The following NEK8 variants were observed in gnomAD, a reference collection of about 807,000 sequenced individuals.
NEK8 encodes serine/threonine-protein kinase Nek8.
A neutral mutation model predicts 77.2 loss-of-function variants in NEK8; 51 were observed. The observed-to-expected ratio is 0.66, with a 90% CI of 0.53 to 0.83. NEK8 has a LOEUF of 0.83. NEK8 is among the 40% of genes least tolerant of loss of function. NEK8 has a pLI of 0.00. For missense variants in NEK8, 787 were observed against 909.2 expected (o/e 0.87, Z 1.73); for synonymous variants, 365 against 363.2 (o/e 1.00, Z -0.06).
rs1315120841 is a variant in NEK8 at position 28,738,394 on chromosome 17, C to T, written c.1222+149C>T. On this transcript the variant is annotated intron_variant, in intron 8 of 14. Coordinates refer to ENST00000268766, the MANE Select transcript of NEK8 (RefSeq NM_178170.3). ...GTCTAGTAACTATTGAGGAGATTTC[C>T]TTATACAACCTCCTTTACCCTACGG... 8 of 1,048,858 alleles carry T rather than the reference C, an allele frequency of 7.6e-6. No individual in the cohort carries two copies. In the African/African-American group the frequency reaches 1.1e-4, roughly 14 times the overall value. 65.0% of individuals were successfully genotyped at this position (1,048,858 alleles called of 1,614,324 possible).
In NEK8 at chr17:28,738,250, GT is replaced by G. The variant is rs769454263; in HGVS notation, c.1222+7del. The G allele has an allele frequency of 5.0e-6, 8 of 1,614,184 alleles. No homozygotes were observed. In the East Asian group the frequency reaches 1.6e-4, roughly 31 times the overall value. ...TCTTCACTGCCTGCCTGACTGGTGAGTTGTCGGGCCTACCTTGTGGGACCTG... is the reference window on the plus strand; with the variant it reads ...TCTTCACTGCCTGCCTGACTGGTGAGTGTCGGGCCTACCTTGTGGGACCTG... On this transcript the variant is annotated splice_donor_region_variant and intron_variant, in intron 8 of 14. Coordinates refer to ENST00000268766, the MANE Select transcript of NEK8 (RefSeq NM_178170.3).
chr17:28,738,812 T>G, intron 9 of NEK8, 65 bp downstream of exon 9: 1 of 1,320,486 alleles, frequency 7.6e-7, no homozygotes, highest in Non-Finnish European at 1.1e-6. Context: ...CATCTGTGAG[T>G]TGACACCAGA....
At position 28,738,203 on chromosome 17, in the gene NEK8, A is replaced by T. The variant is rs2034386452; in HGVS notation, c.1180A>T (p.Lys394Ter). The change falls in exon 8 of 15, where the codon AAG becomes TAG. Residue 394 changes from lysine to a stop codon, truncating the protein, a stop_gained. Transcript: ENST00000268766. LOFTEE classifies it high-confidence loss of function. ...FLEGQSGVTI[K>*]HVACGDFFTA... ...GGAGGGCCAGTCGGGTGTGACCATC[A>T]AGCACGTGGCCTGTGGGGACTTCTT... 1 of 1,614,084 alleles carries T rather than the reference A, an allele frequency of 6.2e-7. No homozygotes were observed. Among genetic ancestry groups the T allele is most frequent in the African/African-American group, 1.3e-5 (1 of 75,004 alleles).
At position 28,734,954 on chromosome 17, in the gene NEK8, G is replaced by A. The variant is rs747034129; in HGVS notation, c.436G>A (p.Gly146Ser). The change falls in exon 3 of 15, where the codon GGT becomes AGT. Residue 146 changes from glycine to serine, a missense_variant. This residue lies in a region of NEK8 where 271 missense variants were observed against 365.1 expected (regional missense o/e 0.74). Transcript: ENST00000268766. ...CAAACACCGCATGGTCGTCAAGATC[G>A]GTGATTTCGGCATCTCCAAGATCCT... is the stretch of plus-strand genomic sequence containing the variant. ...LDKHRMVVKI[G>S]DFGISKILSS... is the part of the protein sequence containing the mutation. 16 of 1,613,394 alleles carry A rather than the reference G, an allele frequency of 9.9e-6. No individual in the cohort carries two copies. The highest frequency in any genetic ancestry group is 2.2e-5 in the South Asian group (2 of 91,062).
At position 28,737,356 on chromosome 17, in the gene NEK8, C is replaced by A; in HGVS notation, c.669C>A (p.Ile223=). 6.2e-7 allele frequency: 1 copy of A among 1,613,936 alleles called. No homozygotes were observed. Among genetic ancestry groups the A allele is most frequent in the Non-Finnish European group, 8.5e-7 (1 of 1,180,008 alleles). ...LKIMSGTFAP[I]SDRYSPELRQ... ...TCATGAGTGGCACCTTTGCACCTATCTCTGACCGGTACAGCCCTGAGCTTC... is the reference window on the plus strand; with the variant it reads ...TCATGAGTGGCACCTTTGCACCTATATCTGACCGGTACAGCCCTGAGCTTC... The change falls in exon 5 of 15, where the codon ATC becomes ATA. Residue 223 remains isoleucine, a synonymous_variant. Transcript: ENST00000268766. The surrounding 1 kb of genome is among the most constrained non-coding windows in gnomAD (Gnocchi z 4.8).
intron 4 of NEK8, among the ~76,000 whole-genome samples, chr17:28,735,587 G>A (rs2034356530): frequency 6.6e-6 from 1 of 151,928 alleles, no homozygotes; most frequent in South Asian, 2.1e-4. Context: ...GCAGGGCTGT[G>A]GCTTTCCCAG....
At position 28,738,667 on chromosome 17, in the gene NEK8, CCAGA is replaced by C; in HGVS notation, c.1224_1227del (p.Asp408GlufsTer5). 11 of 1,613,670 alleles carry C rather than the reference CCAGA, an allele frequency of 6.8e-6. No individual in the cohort carries two copies. The highest frequency in any genetic ancestry group is 1.1e-5 in the South Asian group (1 of 91,060). On this transcript the variant is annotated splice_acceptor_variant and splice_polypyrimidine_tract_variant and coding_sequence_variant and intron_variant, in exon 9 of 15. Transcript: ENST00000268766. LOFTEE classifies it high-confidence loss of function. ...TTCTCCTTCCTCACTGCCCTTCTCC[CCAGA>C]CAGAGGCATCATCATGACATTCGGC...
chr17:28,742,491 G>A lies in NEK8; in HGVS notation c.*504G>A, dbSNP rs1049258516. 2 of 187,772 alleles carry A rather than the reference G, an allele frequency of 1.1e-5. No individual in the cohort carries two copies. The highest frequency in any genetic ancestry group is 2.3e-5 in the Non-Finnish European group (2 of 87,590). 11.6% of individuals were successfully genotyped at this position (187,772 alleles called of 1,614,324 possible). A position where few individuals can be genotyped will look rare whatever the true frequency, so the allele number is the denominator to read the frequency against. On this transcript the variant is annotated 3_prime_UTR_variant, in exon 15 of 15. Transcript: ENST00000268766. ...CGCCTGTAGTCCCAGCTGCTCAGGA[G>A]GCTGAGGCAGGAGAATGGCGTAAAC...
chr17:28,739,037 G>A, intron 9 of NEK8, 47 bp from the exon 10 acceptor site: 2 of 1,412,394 alleles, frequency 1.4e-6, no homozygotes, highest in Non-Finnish European at 2.0e-6. Context: ...AAGCCAGATG[G>A]CTCCAGACCC....
Position 28,737,666 on chromosome 17 carries a change from G to A in NEK8, c.828-9G>A, listed in dbSNP as rs1250238674. On this transcript the variant is annotated splice_polypyrimidine_tract_variant and intron_variant, in intron 5 of 14. Coordinates refer to ENST00000268766, the MANE Select transcript of NEK8 (RefSeq NM_178170.3). The surrounding 1 kb of genome is among the most constrained non-coding windows in gnomAD (Gnocchi z 4.8). ...GGTCTTTGTCCTTAGGCCCCCATCTGTCCTGCAGGGCAGAGAAGTCCGTGG... is the reference window on the plus strand; with the variant it reads ...GGTCTTTGTCCTTAGGCCCCCATCTATCCTGCAGGGCAGAGAAGTCCGTGG... 6.2e-7 allele frequency: 1 copy of A among 1,614,178 alleles called. No individual in the cohort carries two copies. Among genetic ancestry groups the A allele is most frequent in the Admixed American group, 1.7e-5 (1 of 60,026 alleles).
chr17:28,741,443 C>G lies in NEK8; in HGVS notation c.1922C>G (p.Ala641Gly). 1 of 1,614,056 alleles carries G rather than the reference C, an allele frequency of 6.2e-7. No homozygotes were observed. Among genetic ancestry groups the G allele is most frequent in the African/African-American group, 1.3e-5 (1 of 74,996 alleles). ...ESEVYSWGKGARGRLGRRDED... is the reference protein window; with the variant it reads ...ESEVYSWGKGGRGRLGRRDED... ...GAAGTGTACTCTTGGGGCAAAGGGGCGCGAGGTCGATTGGGAAGGAGGGAT... is the reference window on the plus strand; with the variant it reads ...GAAGTGTACTCTTGGGGCAAAGGGGGGCGAGGTCGATTGGGAAGGAGGGAT... Residue 641 changes from alanine to glycine, a missense_variant, in exon 14 of 15, where the codon GCG (alanine) becomes GGG (glycine). By Grantham distance (60) the Ala-to-Gly change is moderately conservative. This residue lies in a region of NEK8 where 516 missense variants were observed against 544.0 expected (regional missense o/e 0.95). Transcript: ENST00000268766. This position sits in a 1 kb window ranked among gnomAD's most constrained non-coding sequence, Gnocchi z 4.5.
intron 1 of NEK8, 70 bp downstream of exon 1, chr17:28,728,930 G>C (rs756177164): frequency 2.9e-6 from 4 of 1,376,094 alleles, no homozygotes; most frequent in Non-Finnish European, 4.0e-6. Context: ...CGCCCGCGAA[G>C]TCGCCGCCCG....
At chr17:28,736,568 T>C (rs1045010639) in intron 4 of NEK8, among the ~76,000 whole-genome samples, 1 of 152,276 alleles carries the variant, frequency 6.6e-6, no homozygotes, top group Non-Finnish European at 1.5e-5. Context: ...TGCATAAATG[T>C]CTTCTTTTGA....
intron 1 of NEK8, among the ~76,000 whole-genome samples, chr17:28,733,437 T>C (rs78410545): frequency 0.059 from 8,926 of 152,252 alleles, 726 homozygotes; most frequent in African/African-American, 0.19. Context: ...CAAATACTTA[T>C]TGACTGCCTA....
chr17:28,739,788 C>T (rs1465151411), intron 10 of NEK8, among the ~76,000 whole-genome samples: 2 of 152,272 alleles, frequency 1.3e-5, no homozygotes, highest in East Asian at 3.9e-4. Flanking sequence ...TTGGGTCAGG[C>T]ATCAGGCTGG....
chr17:28,728,896 G>A (rs1378516527), intron 1 of NEK8, 36 bp downstream of exon 1: 21 of 1,532,550 alleles, frequency 1.4e-5, no homozygotes, highest in Non-Finnish European at 1.7e-5. Flanking sequence ...ACTGCTAGGG[G>A]ATAGGGAAAA....
rs1217098088 is a variant in NEK8 at position 28,737,356 on chromosome 17, C to T, written c.669C>T (p.Ile223=). The change falls in exon 5 of 15, where the codon ATC becomes ATT. Residue 223 remains isoleucine, a synonymous_variant. Transcript: ENST00000268766. The surrounding 1 kb of genome is among the most constrained non-coding windows in gnomAD (Gnocchi z 4.8). ...TCATGAGTGGCACCTTTGCACCTAT[C>T]TCTGACCGGTACAGCCCTGAGCTTC... ...LKIMSGTFAP[I]SDRYSPELRQ... 5.6e-6 allele frequency: 9 copies of T among 1,613,818 alleles called. No homozygotes were observed. Among genetic ancestry groups the T allele is most frequent in the Non-Finnish European group, 7.6e-6 (9 of 1,180,016 alleles).
rs1239799301 is a variant in NEK8, at chr17:28,737,260, G to T, written c.619-46G>T. The T allele has an allele frequency of 1.3e-6, 2 of 1,560,358 alleles. No individual in the cohort carries two copies. Among genetic ancestry groups the T allele is most frequent in the Non-Finnish European group, 1.7e-6 (2 of 1,151,156 alleles). ...AGGAGACCAGGGGCTGGAGCTGGGG[G>T]GTGCTGCCCTCACTTCCCCAAATTC... On this transcript the variant is annotated intron_variant, in intron 4 of 14. Coordinates refer to ENST00000268766, the MANE Select transcript of NEK8 (RefSeq NM_178170.3). The surrounding 1 kb of genome is among the most constrained non-coding windows in gnomAD (Gnocchi z 4.8).
In NEK8 at chr17:28,738,258, G is replaced by A. The variant is rs2034387094; in HGVS notation, c.1222+13G>A. 20 of 1,614,124 alleles carry A rather than the reference G, an allele frequency of 1.2e-5. No homozygotes were observed. The highest frequency in any genetic ancestry group is 1.7e-5 in the Non-Finnish European group (20 of 1,180,012). On this transcript the variant is annotated intron_variant, in intron 8 of 14. Coordinates refer to ENST00000268766, the MANE Select transcript of NEK8 (RefSeq NM_178170.3). ...GCCTGCCTGACTGGTGAGTTGTCGG[G>A]CCTACCTTGTGGGACCTGCTCTGAG...
Sources: allele counts gnomAD v4.1 joint callset (sites outside exome capture counted in the v4.1 genomes callset), GRCh38; gene constraint gnomAD v4.1.1; regional missense constraint gnomAD v4.1.1; non-coding constraint Gnocchi (gnomAD v3.1); transcripts MANE v1.5; gene names NCBI Gene and HGNC (gene_info 2026-07-23, HGNC 2026-07-21).